RHD: variants seen among roughly 807,000 people sequenced by gnomAD.
RHD encodes blood group Rh(D) polypeptide.
Under a neutral mutation model 45.5 loss-of-function variants are expected in RHD, and 16 were observed. The observed-to-expected ratio is 0.35, with a 90% CI of 0.24 to 0.53. RHD has a LOEUF of 0.53. Among genes scored for constraint, RHD ranks in the 20% least tolerant of loss-of-function variants. The pLI, the probability that RHD is intolerant of heterozygous loss-of-function variation, is 0.92. For missense variants in RHD, 306 were observed against 532.0 expected (o/e 0.58, Z 4.18); for synonymous variants, 131 against 217.5 (o/e 0.60, Z 3.50).
At chr1:25,305,905 A>G (rs776270116) in intron 6 of RHD, among the ~76,000 whole-genome samples, 1 of 131,672 alleles carries the variant, frequency 7.6e-6, no homozygotes, top group Non-Finnish European at 1.8e-5. Context: ...CCCAACCTGG[A>G]TTTTTATTCT....
intron 3 of RHD, among the ~76,000 whole-genome samples, chr1:25,299,375 C>T (rs1452374279): frequency 3.9e-5 from 5 of 129,848 alleles, no homozygotes; most frequent in East Asian, 3.9e-4. Context: ...AGTGAGACTC[C>T]GTCTCAAAAA....
chr1:25,291,863 C>G (rs569152013), intron 3 of RHD, among the ~76,000 whole-genome samples: 1 of 132,806 alleles, frequency 7.5e-6, no homozygotes, highest in Admixed American at 7.3e-5. Flanking sequence ...ACATAGCCAA[C>G]CTTCCCATCT....
Position 25,320,618 on chromosome 1 carries a change from G to A in RHD, c.1154-1271G>A, listed in dbSNP as rs1424402706. Among the ~76,000 whole-genome samples, 44 of 131,984 alleles carry A rather than the reference G, an allele frequency of 3.3e-4. 5 individuals are homozygous for A. The highest frequency in any genetic ancestry group is 9.5e-4 in the African/African-American group (37 of 38,822). The allele number at this position is 131,984 out of a possible 152,430, so 86.6% of individuals were successfully genotyped here. A position where few individuals can be genotyped will look rare whatever the true frequency, so the allele number is the denominator to read the frequency against. On this transcript the variant is annotated intron_variant, in intron 8 of 9. Coordinates refer to ENST00000328664, the MANE Select transcript of RHD (RefSeq NM_016124.6). ...AACTGATCATCCTTAATAATACACA[G>A]ATAAATCTATCAGGAGCATTTCCTT...
chr1:25,297,401 A>G (rs1327133306), intron 3 of RHD, among the ~76,000 whole-genome samples: 1 of 102,578 alleles, frequency 9.7e-6, no homozygotes, highest in Non-Finnish European at 2.3e-5. Context: ...CTTCCACTGC[A>G]AAGTTACTAT....
In RHD at chr1:25,311,097, C is replaced by T. The variant is rs1190581186; in HGVS notation, c.1073+4368C>T. ...GGAACTTCTTAATGGTTACTGAAGT[C>T]GTTGAGATCAGAGTGCTGATAGAAA... is the stretch of plus-strand genomic sequence containing the variant. On this transcript the variant is annotated intron_variant, in intron 7 of 9. Transcript: ENST00000328664. Among the ~76,000 whole-genome samples, 9 of 132,494 alleles carry T rather than the reference C, an allele frequency of 6.8e-5. 2 individuals carry two copies. The highest frequency in any genetic ancestry group is 1.8e-4 in the African/African-American group (7 of 38,984). The allele number at this position is 132,494 out of a possible 152,430, so 86.9% of individuals were successfully genotyped here.
At chr1:25,282,607 T>A (rs1170436668) in intron 1 of RHD, among the ~76,000 whole-genome samples, 1 of 132,592 alleles carries the variant, frequency 7.5e-6, no homozygotes, top group African/African-American at 2.6e-5. Flanking sequence ...TCAAAACCTA[T>A]GCTTCCCCTT....
chr1:25,329,252 T>TTG lies in RHD; in HGVS notation c.*329_*330insGT. On this transcript the variant is annotated 3_prime_UTR_variant, in exon 10 of 10. Transcript: ENST00000328664. ...ATTATTCCTTGTTTTTTTTTTTTTTTTTTTTTTTTTGAGATGTAGTCTTAC... is the reference window on the plus strand; with the variant it reads ...ATTATTCCTTGTTTTTTTTTTTTTTTTGTTTTTTTTTTGAGATGTAGTCTTAC... The TTG allele has an allele frequency of 1.5e-6, 1 of 655,768 alleles. No homozygotes were observed. Among genetic ancestry groups the TTG allele is most frequent in the Admixed American group, 3.3e-5 (1 of 30,626 alleles). 40.6% of individuals were successfully genotyped at this position (655,768 alleles called of 1,614,324 possible).
In RHD at chr1:25,319,967, C is replaced by T. The variant is rs552361221; in HGVS notation, c.1154-1922C>T. On this transcript the variant is annotated intron_variant, in intron 8 of 9. Transcript: ENST00000328664. ...AGGCTGGAGTGCAATGGCGCTATCT[C>T]GGCTCACTACAACCTCAGCCTCCTG... Among the ~76,000 whole-genome samples the T allele has an allele frequency of 2.3e-5, 3 of 131,194 alleles. 1 individual carries two copies. The highest frequency in any genetic ancestry group is 4.7e-4 in the South Asian group (2 of 4,292). The allele number at this position is 131,194 out of a possible 152,430, so 86.1% of individuals were successfully genotyped here.
At position 25,285,376 on chromosome 1, in the gene RHD, C is replaced by G. The variant is rs544367552; in HGVS notation, c.335+617C>G. On this transcript the variant is annotated intron_variant, in intron 2 of 9. Transcript: ENST00000328664. ...CTCAAACTCCTGACCTCAGGTGATC[C>G]GCCCGCCTCGGCCTCCCAAAGTGCT... Among the ~76,000 whole-genome samples the G allele has an allele frequency of 3.0e-3, 401 of 134,588 alleles. 42 individuals carry two copies. The highest frequency in any genetic ancestry group is 8.2e-3 in the African/African-American group (318 of 38,946). The allele number at this position is 134,588 out of a possible 152,430, so 88.3% of individuals were successfully genotyped here. A position where few individuals can be genotyped will look rare whatever the true frequency, so the allele number is the denominator to read the frequency against.
rs369499548 is a variant in RHD at position 25,303,363 on chromosome 1, G to T, written c.843G>T (p.Val281=). Residue 281 remains valine, a synonymous_variant, in exon 6 of 10, where the codon GTG becomes GTT. Coordinates refer to ENST00000328664, the MANE Select transcript of RHD (RefSeq NM_016124.6). ...CGGTGTTGGCAGGAGGCGTGGCTGT[G>T]GGTACCTCGTGTCACCTGATCCCTT... The part of the protein sequence containing the change: ...HSAVLAGGVA[V]GTSCHLIPSP... 2.1e-5 allele frequency: 29 copies of T among 1,373,142 alleles called. 3 individuals carry two copies. In the African/African-American group the frequency reaches 3.8e-4, roughly 18 times the overall value. The allele number at this position is 1,373,142 out of a possible 1,614,324, so 85.1% of individuals were successfully genotyped here. A position where few individuals can be genotyped will look rare whatever the true frequency, so the allele number is the denominator to read the frequency against.
Position 25,286,735 on chromosome 1 carries a change from G to A in RHD, c.335+1976G>A, listed in dbSNP as rs546269681. Among the ~76,000 whole-genome samples, 5 of 132,574 alleles carry A rather than the reference G, an allele frequency of 3.8e-5. No homozygotes were observed. In the South Asian group the frequency reaches 8.8e-4, roughly 23 times the overall value. The allele number at this position is 132,574 out of a possible 152,430, so 87.0% of individuals were successfully genotyped here. ...CGGGAGGCGGAGTTTGCAGTGAACC[G>A]AGATGGTGCCACTGCACTCCAGCCT... On this transcript the variant is annotated intron_variant, in intron 2 of 9. Transcript: ENST00000328664.
chr1:25,278,943 C>G (rs2124601973), intron 1 of RHD, among the ~76,000 whole-genome samples: 1 of 129,244 alleles, frequency 7.7e-6, no homozygotes, highest in East Asian at 2.0e-4. Flanking sequence ...GCAGTGGGAG[C>G]ACAGGGTGGA....
chr1:25,298,751 A>G lies in RHD; in HGVS notation c.487-2195A>G, dbSNP rs373179881. Among the ~76,000 whole-genome samples the G allele has an allele frequency of 2.3e-5, 3 of 131,530 alleles. 1 individual carries two copies. Among genetic ancestry groups the G allele is most frequent in the Non-Finnish European group, 3.6e-5 (2 of 55,898 alleles). The allele number at this position is 131,530 out of a possible 152,430, so 86.3% of individuals were successfully genotyped here. ...TGTGGCAGTGGAAAATACAACTCTC[A>G]TGGAACGTCTGTTCCAGAAGGAAAG... On this transcript the variant is annotated intron_variant, in intron 3 of 9. Transcript: ENST00000328664.
At position 25,306,608 on chromosome 1, in the gene RHD, C is replaced by G; in HGVS notation, c.952C>G (p.Arg318Gly). The G allele has an allele frequency of 7.3e-7, 1 of 1,378,118 alleles. No homozygotes were observed. Among genetic ancestry groups the G allele is most frequent in the Non-Finnish European group, 1.0e-6 (1 of 978,586 alleles). The allele number at this position is 1,378,118 out of a possible 1,614,324, so 85.4% of individuals were successfully genotyped here. The change falls in exon 7 of 10, where the codon CGA becomes GGA. Residue 318 changes from arginine (R) to glycine (G), a missense_variant. Arg to Gly is a moderately radical substitution (Grantham distance 125). Coordinates refer to ENST00000328664, the MANE Select transcript of RHD (RefSeq NM_016124.6). ...CACTTGTCCACAGGGGTGTTGTAAC[C>G]GAGTGCTGGGGATTCCCCACAGCTC... ...GAKYLPGCCN[R>G]VLGIPHSSIM... is the part of the protein sequence containing the mutation.
At chr1:25,286,106 A>G (rs1291997997) in intron 2 of RHD, among the ~76,000 whole-genome samples, 1 of 135,298 alleles carries the variant, frequency 7.4e-6, no homozygotes, top group African/African-American at 2.6e-5. Context: ...CCTTTTCCAC[A>G]TGCTCCAGAG....
intron 2 of RHD, among the ~76,000 whole-genome samples, chr1:25,285,931 G>A (rs1641948535): frequency 7.4e-6 from 1 of 134,358 alleles, no homozygotes; most frequent in African/African-American, 2.6e-5. Context: ...TTCTCTATGA[G>A]CCAGGAACTG....
At chr1:25,277,060 C>T (rs1339757494) in intron 1 of RHD, among the ~76,000 whole-genome samples, 3 of 131,840 alleles carry the variant, frequency 2.3e-5, no homozygotes, top group East Asian at 3.9e-4. Flanking sequence ...GAGCGAGACT[C>T]CGTCTAAAAA....
Position 25,274,963 on chromosome 1 carries a change from A to G in RHD, c.148+2268A>G, listed in dbSNP as rs143507763. ...ACTTCATCTCAAAAAACCAAACAAC[A>G]AAAACAACAACAAGAACAACAAAAA... On this transcript the variant is annotated intron_variant, in intron 1 of 9. Coordinates refer to ENST00000328664, the MANE Select transcript of RHD (RefSeq NM_016124.6). 4.5e-3 allele frequency among the ~76,000 whole-genome samples: 590 copies of G among 131,990 alleles called. 88 individuals carry two copies. Among genetic ancestry groups the G allele is most frequent in the African/African-American group, 0.013 (497 of 38,804 alleles). 86.6% of individuals were successfully genotyped at this position (131,990 alleles called of 152,430 possible).
rs144118408 is a variant in RHD, at chr1:25,281,553, G to A, written c.149-3020G>A. ...ACTGAACACAAGCCTCACTGCTCCC[G>A]CATGTGCACTGCACCTTCATATACA... On this transcript the variant is annotated intron_variant, in intron 1 of 9. Coordinates refer to ENST00000328664, the MANE Select transcript of RHD (RefSeq NM_016124.6). Among the ~76,000 whole-genome samples, 30 of 132,028 alleles carry A rather than the reference G, an allele frequency of 2.3e-4. 2 individuals are homozygous for A. Among genetic ancestry groups the A allele is most frequent in the East Asian group, 2.0e-3 (10 of 5,128 alleles). The allele number at this position is 132,028 out of a possible 152,430, so 86.6% of individuals were successfully genotyped here.
Sources: allele counts gnomAD v4.1 joint callset (sites outside exome capture counted in the v4.1 genomes callset), GRCh38; gene constraint gnomAD v4.1.1; transcripts MANE v1.5; gene names NCBI Gene and HGNC (gene_info 2026-07-23, HGNC 2026-07-21).